AQP7B: variants seen among roughly 807,000 people sequenced by gnomAD.
AQP7B encodes the protein putative aquaporin-7B.
At chr2:94,598,714 G>C in the AQP7B span, among the ~76,000 whole-genome samples, 1 of 152,224 alleles carries the variant, frequency 6.6e-6, no homozygotes, top group Non-Finnish European at 1.5e-5. Flanking sequence ...AACAAAACCT[G>C]TGCCCTGGAT....
chr2:94,598,511 G>T, the AQP7B span, among the ~76,000 whole-genome samples: 1 of 152,146 alleles, frequency 6.6e-6, no homozygotes, highest in East Asian at 1.9e-4. Flanking sequence ...CATGCTATGG[G>T]GGCCAAGAGA....
the AQP7B span, among the ~76,000 whole-genome samples, chr2:94,600,394 A>G: frequency 2.6e-5 from 4 of 152,350 alleles, no homozygotes; most frequent in South Asian, 2.1e-4. Context: ...TAATTAACCC[A>G]TATATCCAAA....
At chr2:94,590,329 C>T in the AQP7B span, among the ~76,000 whole-genome samples, 1 of 152,120 alleles carries the variant, frequency 6.6e-6, no homozygotes, top group Non-Finnish European at 1.5e-5. Flanking sequence ...ATTACAGGCA[C>T]CTACCACCAC....
the AQP7B span, among the ~76,000 whole-genome samples, chr2:94,590,379 G>T: frequency 6.6e-6 from 1 of 151,986 alleles, no homozygotes; most frequent in Non-Finnish European, 1.5e-5. Flanking sequence ...GTGGAAATGG[G>T]GTTCTGCCAT....
the AQP7B span, chr2:94,604,189 G>A: frequency 7.9e-7 from 1 of 1,258,460 alleles, no homozygotes; most frequent in Non-Finnish European, 1.1e-6. Flanking sequence ...GGGGTAGCCT[G>A]GGGATGACTC....
the AQP7B span, among the ~76,000 whole-genome samples, chr2:94,590,504 A>G: frequency 6.6e-6 from 1 of 152,250 alleles, no homozygotes; most frequent in East Asian, 1.9e-4. Context: ...TGTTTGTTGA[A>G]TGAAGAAATG....
chr2:94,603,302 C>T, the AQP7B span: 3 of 1,476,944 alleles, frequency 2.0e-6, no homozygotes, highest in Non-Finnish European at 2.8e-6. Context: ...CTCCCCCACC[C>T]TCTAACCTAT....
chr2:94,601,211 T>C, the AQP7B span, among the ~76,000 whole-genome samples: 1 of 152,228 alleles, frequency 6.6e-6, no homozygotes, highest in African/African-American at 2.4e-5. Flanking sequence ...ATTCAAGTTC[T>C]CTAAGCTTCA....
the AQP7B span, chr2:94,603,000 G>A: frequency 1.9e-6 from 3 of 1,572,864 alleles, no homozygotes; most frequent in Non-Finnish European, 8.6e-7. Flanking sequence ...TGTTTGTTCT[G>A]CTCTCACTCC....
At chr2:94,594,838 T>A in the AQP7B span, 1 of 1,557,844 alleles carries the variant, frequency 6.4e-7, no homozygotes, top group Non-Finnish European at 8.9e-7. Context: ...GGTGCGAGAG[T>A]TCTTGGCCGA....
chr2:94,599,888 C>CT, the AQP7B span, among the ~76,000 whole-genome samples: 12 of 132,824 alleles, frequency 9.0e-5, no homozygotes, highest in African/African-American at 2.6e-4. Flanking sequence ...TTTTTTTTTT[C>CT]TTTTTTTTGA....
At chr2:94,597,935 T>A in the AQP7B span, among the ~76,000 whole-genome samples, 2 of 152,188 alleles carry the variant, frequency 1.3e-5, no homozygotes, top group African/African-American at 2.4e-5. Flanking sequence ...TTAACCTCTA[T>A]GCTCTGTACC....
chr2:94,597,802 A>G, the AQP7B span, among the ~76,000 whole-genome samples: 7 of 151,950 alleles, frequency 4.6e-5, no homozygotes, highest in Middle Eastern at 3.4e-3. Context: ...ACAAGGTTTC[A>G]CCATGTTGTC....
the AQP7B span, among the ~76,000 whole-genome samples, chr2:94,599,980 G>A: frequency 6.6e-6 from 1 of 151,870 alleles, no homozygotes; most frequent in Non-Finnish European, 1.5e-5. Flanking sequence ...CTGGGTTCAA[G>A]CAATTCTCCT....
chr2:94,602,578 G>A, the AQP7B span: 1 of 1,599,712 alleles, frequency 6.3e-7, no homozygotes, highest in Non-Finnish European at 8.5e-7. Flanking sequence ...TTGGCTTCGG[G>A]GTCACCATGG....
At chr2:94,602,899 G>A in the AQP7B span, 19 of 1,055,690 alleles carry the variant, frequency 1.8e-5, no homozygotes, top group Non-Finnish European at 2.3e-5. Context: ...TGCCTCACGG[G>A]GTGGTTGTGA....
chr2:94,604,100 C>A, the AQP7B span, among the ~76,000 whole-genome samples: 2 of 152,156 alleles, frequency 1.3e-5, no homozygotes, highest in African/African-American at 2.4e-5. Flanking sequence ...AGATACAGAT[C>A]CTGCACCTGC....
At chr2:94,588,691 C>G in the AQP7B span, 1 of 635,140 alleles carries the variant, frequency 1.6e-6, no homozygotes, top group Non-Finnish European at 2.8e-6. Flanking sequence ...CCACTCACCT[C>G]TGAGGTCCCA....
the AQP7B span, among the ~76,000 whole-genome samples, chr2:94,596,615 C>T: frequency 6.6e-6 from 1 of 152,212 alleles, no homozygotes; most frequent in Non-Finnish European, 1.5e-5. Context: ...ATTAGACCTT[C>T]GTGGGCTTTG....
Sources: allele counts gnomAD v4.1 joint callset (sites outside exome capture counted in the v4.1 genomes callset), GRCh38; gene constraint gnomAD v4.1.1; transcripts MANE v1.5; gene names NCBI Gene and HGNC (gene_info 2026-07-23, HGNC 2026-07-21).